Variants in MMACHC observed in about 807,000 individuals in gnomAD.
MMACHC encodes the protein cyanocobalamin reductase / alkylcobalamin dealkylase.
Under a neutral mutation model 17.6 loss-of-function variants are expected in MMACHC, and 14 were observed. The observed-to-expected ratio is 0.80, with a 90% CI of 0.53 to 1.25. The LOEUF is 1.25. Ranked by LOEUF, MMACHC falls within the 50% of genes most tolerant of loss-of-function variation. MMACHC has a pLI of 0.00. For missense variants in MMACHC, 392 were observed against 364.5 expected (o/e 1.08, Z -0.62); for synonymous variants, 151 against 142.1 (o/e 1.06, Z -0.45).
At chr1:45,505,839 T>C (rs1286959168) in intron 1 of MMACHC, among the ~76,000 whole-genome samples, 1 of 151,182 alleles carries the variant, frequency 6.6e-6, no homozygotes, top group Non-Finnish European at 1.5e-5. Flanking sequence ...GAGGCGGAGG[T>C]TGCGGTGAGC....
intron 1 of MMACHC, among the ~76,000 whole-genome samples, chr1:45,501,755 A>C (rs557462566): frequency 6.6e-6 from 1 of 152,224 alleles, no homozygotes; most frequent in South Asian, 2.1e-4. Flanking sequence ...TGGCAAGTTG[A>C]GTAGACCTGG....
At position 45,509,412 on chromosome 1, in the gene MMACHC, A is replaced by G. The variant is rs1351702065; in HGVS notation, c.*197A>G. 1 of 363,266 alleles carries G rather than the reference A, an allele frequency of 2.8e-6. No individual in the cohort carries two copies. Among genetic ancestry groups the G allele is most frequent in the Non-Finnish European group, 4.4e-6 (1 of 228,572 alleles). 22.5% of individuals were successfully genotyped at this position (363,266 alleles called of 1,614,324 possible). ...AACCAGAATTCCCATCTGCCTTCAA[A>G]TGAGTTTTTTTTTTTTTTTTAGACA... On this transcript the variant is annotated 3_prime_UTR_variant, in exon 4 of 4. Coordinates refer to ENST00000401061, the MANE Select transcript of MMACHC (RefSeq NM_015506.3).
chr1:45,502,646 C>T (rs112583923), intron 1 of MMACHC, among the ~76,000 whole-genome samples: 6 of 152,044 alleles, frequency 3.9e-5, no homozygotes, highest in Admixed American at 1.3e-4. Context: ...ATCAACCTGA[C>T]AGTTGACCAG....
intron 1 of MMACHC, among the ~76,000 whole-genome samples, chr1:45,505,383 G>T (rs1420357947): frequency 1.3e-5 from 2 of 152,050 alleles, no homozygotes; most frequent in African/African-American, 2.4e-5. Context: ...GGGAGGTGGA[G>T]ATTGCAATAA....
At chr1:45,504,435 C>T (rs1321788346) in intron 1 of MMACHC, among the ~76,000 whole-genome samples, 1 of 152,062 alleles carries the variant, frequency 6.6e-6, no homozygotes, top group Non-Finnish European at 1.5e-5. Flanking sequence ...AAACCAAACA[C>T]AAGATTCCTG....
rs189608856 is a variant in MMACHC at position 45,508,361 on chromosome 1, C to A, written c.426C>A (p.Asn142Lys). The change falls in exon 3 of 4, where the codon AAC becomes AAA. Residue 142 changes from asparagine to lysine, a missense_variant. Transcript: ENST00000401061. ...ATGTGGAGGCTGACCCATGGGGGAA[C>A]CAGGTGAGAGGGAAAATGTAAATAG... The part of the protein sequence containing the change: ...RQDVEADPWG[N>K]QRISGVCIHP... 3 of 1,614,116 alleles carry A rather than the reference C, an allele frequency of 1.9e-6. No individual in the cohort carries two copies. In the East Asian group the frequency reaches 6.7e-5, roughly 36 times the overall value.
chr1:45,507,415 C>G lies in MMACHC; in HGVS notation c.141C>G (p.Thr47=), dbSNP rs936938761. 5.6e-6 allele frequency: 9 copies of G among 1,614,180 alleles called. No homozygotes were observed. The highest frequency in any genetic ancestry group is 7.6e-6 in the Non-Finnish European group (9 of 1,180,038). The change falls in exon 2 of 4, where the codon ACC becomes ACG. Residue 47 remains threonine (T), a synonymous_variant. Transcript: ENST00000401061. ...PAFHLPLPGP[T]LAFLVLSTPA... is the part of the protein sequence containing the mutation. ...TCCACCTACCGCTGCCAGGACCTAC[C>G]CTGGCCTTCCTGGTACTCAGCACGC...
chr1:45,509,415 A>AGTTTTT lies in MMACHC; in HGVS notation c.*201_*206dup. ...CAGAATTCCCATCTGCCTTCAAATG[A>AGTTTTT]GTTTTTTTTTTTTTTTTAGACAGAG... On this transcript the variant is annotated 3_prime_UTR_variant, in exon 4 of 4. Coordinates refer to ENST00000401061, the MANE Select transcript of MMACHC (RefSeq NM_015506.3). 1 of 245,534 alleles carries AGTTTTT rather than the reference A, an allele frequency of 4.1e-6. No individual in the cohort carries two copies. Among genetic ancestry groups the AGTTTTT allele is most frequent in the Non-Finnish European group, 6.4e-6 (1 of 156,278 alleles). The allele number at this position is 245,534 out of a possible 1,614,324, so 15.2% of individuals were successfully genotyped here.
chr1:45,501,561 A>C (rs1283554961), intron 1 of MMACHC, among the ~76,000 whole-genome samples: 2 of 152,292 alleles, frequency 1.3e-5, no homozygotes, highest in East Asian at 3.9e-4. Flanking sequence ...AGCTTGAGTA[A>C]AGGTGTGGAG....
Position 45,507,513 on chromosome 1 carries a change from A to G in MMACHC, c.239A>G (p.Asp80Gly). Residue 80 changes from aspartate to glycine, a missense_variant, in exon 2 of 4, where the codon GAC becomes GGC. Physicochemically the swap from Asp to Gly is moderately conservative, Grantham distance 94. Coordinates refer to ENST00000401061, the MANE Select transcript of MMACHC (RefSeq NM_015506.3). ...CTCCGAATGCTGACTGACCCAGTGG[A>G]CCAGTGTGTGGCCTACCATCTGGGC... Reference protein sequence around the residue: ...CHLRMLTDPVDQCVAYHLGRV... With the variant: ...CHLRMLTDPVGQCVAYHLGRV... 6.2e-7 allele frequency: 1 copy of G among 1,614,132 alleles called. No homozygotes were observed. The highest frequency in any genetic ancestry group is 8.5e-7 in the Non-Finnish European group (1 of 1,180,024).
intron 1 of MMACHC, among the ~76,000 whole-genome samples, chr1:45,501,029 T>C (rs1308256893): frequency 6.6e-6 from 1 of 152,140 alleles, no homozygotes; most frequent in African/African-American, 2.4e-5. Flanking sequence ...AAAGTCACCT[T>C]GGAACTTCCT....
At position 45,510,437 on chromosome 1, in the gene MMACHC, T is replaced by TGTAA. The variant is rs1423972652; in HGVS notation, c.*1223_*1226dup. ...TTGGCCAGGCACTGTGGCGCTCACC[T>TGTAA]GTAATCCCACCATTTTGGGAGGCTG... On this transcript the variant is annotated 3_prime_UTR_variant, in exon 4 of 4. Transcript: ENST00000401061. 1.3e-5 allele frequency: 2 copies of TGTAA among 152,232 alleles called. No individual in the cohort carries two copies. The highest frequency in any genetic ancestry group is 2.9e-5 in the Non-Finnish European group (2 of 68,058). The allele number at this position is 152,232 out of a possible 1,614,324, so 9.4% of individuals were successfully genotyped here.
intron 2 of MMACHC, among the ~76,000 whole-genome samples, 154 bp from the exon 3 acceptor site, chr1:45,508,054 ATAAC>A (rs1643660944): frequency 6.6e-6 from 1 of 152,224 alleles, no homozygotes. Context: ...GGAAATAACT[ATAAC>A]TATGTCCACA....
chr1:45,508,211 G>A lies in MMACHC; in HGVS notation c.277-1G>A. ...ACCCTCTATTTTGTCCACTGTTCCA[G>A]AGCCTCCCAGAGCTGCAGATAGAAA... On this transcript the variant is annotated splice_acceptor_variant, in intron 2 of 3. Coordinates refer to ENST00000401061, the MANE Select transcript of MMACHC (RefSeq NM_015506.3). LOFTEE classifies it high-confidence loss of function. 1 of 1,614,130 alleles carries A rather than the reference G, an allele frequency of 6.2e-7. No individual in the cohort carries two copies. Among genetic ancestry groups the A allele is most frequent in the South Asian group, 1.1e-5 (1 of 91,078 alleles).
At chr1:45,506,963 C>T (rs989496298) in intron 1 of MMACHC, among the ~76,000 whole-genome samples, 3 of 151,594 alleles carry the variant, frequency 2.0e-5, no homozygotes, top group Admixed American at 1.3e-4. Flanking sequence ...GCCAGGAGTT[C>T]GGAGACCAGC....
In MMACHC at chr1:45,508,810, G is replaced by A; in HGVS notation, c.444G>A (p.Val148=). The change falls in exon 4 of 4, where the codon GTG becomes GTA. Residue 148 remains valine (V), a synonymous_variant. Transcript: ENST00000401061. ...CCTCTCCCCAGCGCATATCAGGTGT[G>A]TGCATACACCCCCGATTTGGGGGCT... ...DPWGNQRISG[V]CIHPRFGGWF... is the part of the protein sequence containing the mutation. 1 of 1,614,050 alleles carries A rather than the reference G, an allele frequency of 6.2e-7. No individual in the cohort carries two copies. Among genetic ancestry groups the A allele is most frequent in the Non-Finnish European group, 8.5e-7 (1 of 1,179,972 alleles).
chr1:45,500,381 T>C lies in MMACHC; in HGVS notation c.49T>C (p.Cys17Arg), dbSNP rs766500038. 1 of 1,614,218 alleles carries C rather than the reference T, an allele frequency of 6.2e-7. No homozygotes were observed. The highest frequency in any genetic ancestry group is 1.1e-5 in the South Asian group (1 of 91,086). ...GAAGCAGAAGATCGAGGACACGCTA[T>C]GTCCTTTTGGCTTCGAGGTTTACCC... ...ELKQKIEDTL[C>R]PFGFEVYPFQ... The change falls in exon 1 of 4, where the codon TGT becomes CGT. Residue 17 changes from cysteine to arginine, a missense_variant. Cys to Arg is a radical substitution (Grantham distance 180, BLOSUM62 -3). Coordinates refer to ENST00000401061, the MANE Select transcript of MMACHC (RefSeq NM_015506.3).
intron 1 of MMACHC, among the ~76,000 whole-genome samples, chr1:45,504,445 G>T (rs893022159): frequency 6.6e-6 from 1 of 152,116 alleles, no homozygotes; most frequent in Non-Finnish European, 1.5e-5. Flanking sequence ...CAAGATTCCT[G>T]TTAGGGGTTT....
In MMACHC at chr1:45,508,378, T is replaced by C. The variant is rs371226986; in HGVS notation, c.429+14T>C. 1.9e-6 allele frequency: 3 copies of C among 1,613,614 alleles called. No homozygotes were observed. Among genetic ancestry groups the C allele is most frequent in the South Asian group, 1.1e-5 (1 of 91,038 alleles). ...TGGGGGAACCAGGTGAGAGGGAAAA[T>C]GTAAATAGAGGCTGAGATAGACTGG... On this transcript the variant is annotated intron_variant, in intron 3 of 3. Coordinates refer to ENST00000401061, the MANE Select transcript of MMACHC (RefSeq NM_015506.3).
Sources: allele counts gnomAD v4.1 joint callset (sites outside exome capture counted in the v4.1 genomes callset), GRCh38; gene constraint gnomAD v4.1.1; transcripts MANE v1.5; gene names NCBI Gene and HGNC (gene_info 2026-07-23, HGNC 2026-07-21).